NRDE2: variants seen among roughly 807,000 people sequenced by gnomAD.
The protein encoded by NRDE2 is NRDE-2, necessary for RNA interference, domain containing.
In NRDE2, 76 loss-of-function variants were observed where a neutral mutation model predicts 124.2. That is an observed-to-expected ratio of 0.61 (90% CI 0.51 to 0.74). NRDE2 has a LOEUF of 0.74. Among genes scored for constraint, NRDE2 ranks in the 30% least tolerant of loss-of-function variants. The pLI, the probability that NRDE2 is intolerant of heterozygous loss-of-function variation, is 0.00. For synonymous variants in NRDE2, 489 were observed against 528.1 expected (o/e 0.93, Z 1.01); for missense variants, 1,314 against 1,417.3 (o/e 0.93, Z 1.17).
At position 90,275,115 on chromosome 14, in the gene NRDE2, A is replaced by G. The variant is rs765027920; in HGVS notation, c.*3221T>C. 1.3e-5 allele frequency: 2 copies of G among 152,220 alleles called. No homozygotes were observed. Among genetic ancestry groups the G allele is most frequent in the Non-Finnish European group, 2.9e-5 (2 of 68,038 alleles). 9.4% of individuals were successfully genotyped at this position (152,220 alleles called of 1,614,324 possible). A position where few individuals can be genotyped will look rare whatever the true frequency, so the allele number is the denominator to read the frequency against. Reference sequence around the variant, plus strand: ...ACACCAGGCAAACACAAACTGAGGAACATTCTACAAATTCAGAACACTTCA... The same window carrying G: ...ACACCAGGCAAACACAAACTGAGGAGCATTCTACAAATTCAGAACACTTCA... On this transcript the variant is annotated 3_prime_UTR_variant, in exon 14 of 14. Transcript: ENST00000354366.
rs960301572 is a variant in NRDE2, at chr14:90,274,657, A to ATAAGGACATGTCC, written c.*3666_*3678dup. ...AAAGCAAGGGAGTGCTCAAGGAATG[A>ATAAGGACATGTCC]TAAGGACATGTCCTAAGGACACCGA... On this transcript the variant is annotated 3_prime_UTR_variant, in exon 14 of 14. Transcript: ENST00000354366. 3.9e-5 allele frequency: 6 copies of ATAAGGACATGTCC among 152,208 alleles called. No homozygotes were observed. The highest frequency in any genetic ancestry group is 1.4e-4 in the African/African-American group (6 of 41,424). The allele number at this position is 152,208 out of a possible 1,614,324, so 9.4% of individuals were successfully genotyped here.
chr14:90,297,616 A>C (rs1010642765), intron 8 of NRDE2, among the ~76,000 whole-genome samples: 3 of 152,168 alleles, frequency 2.0e-5, no homozygotes, highest in Non-Finnish European at 2.9e-5. Flanking sequence ...CAGGATAACA[A>C]AAAGACTGTC....
In NRDE2 at chr14:90,277,734, T is replaced by A. The variant is rs1891836091; in HGVS notation, c.*602A>T. 2.6e-5 allele frequency: 4 copies of A among 152,306 alleles called. No individual in the cohort carries two copies. Among genetic ancestry groups the A allele is most frequent in the Admixed American group, 2.6e-4 (4 of 15,294 alleles). 9.4% of individuals were successfully genotyped at this position (152,306 alleles called of 1,614,324 possible). A position where few individuals can be genotyped will look rare whatever the true frequency, so the allele number is the denominator to read the frequency against. On this transcript the variant is annotated 3_prime_UTR_variant, in exon 14 of 14. Coordinates refer to ENST00000354366, the MANE Select transcript of NRDE2 (RefSeq NM_017970.4). ...GACCTGCTGAAGAGCGGGTTCTGAC[T>A]CCACAGGCCTGAGTTTTTCAGCAGC...
rs1231939621 is a variant in NRDE2 at position 90,272,664 on chromosome 14, A to C, written c.*5672T>G. ...CAGTCTCCACACACACCTACCGCTC[A>C]ACAGCAGCCTGTGGGTGGACCCAGC... On this transcript the variant is annotated 3_prime_UTR_variant, in exon 14 of 14. Transcript: ENST00000354366. The surrounding 1 kb of genome is among the most constrained non-coding windows in gnomAD (Gnocchi z 4.5). 2 of 314,568 alleles carry C rather than the reference A, an allele frequency of 6.4e-6. No individual in the cohort carries two copies. The highest frequency in any genetic ancestry group is 4.4e-5 in the African/African-American group (2 of 45,288). The allele number at this position is 314,568 out of a possible 1,614,324, so 19.5% of individuals were successfully genotyped here.
chr14:90,321,729 G>A (rs902419055), intron 1 of NRDE2, among the ~76,000 whole-genome samples: 1 of 152,108 alleles, frequency 6.6e-6, no homozygotes, highest in Non-Finnish European at 1.5e-5. Context: ...TATTAGCAGT[G>A]CACATGCAGG....
chr14:90,284,028 A>T (rs1197624186), intron 12 of NRDE2, among the ~76,000 whole-genome samples: 2 of 151,854 alleles, frequency 1.3e-5, no homozygotes, highest in East Asian at 3.9e-4. Flanking sequence ...TTCATTTTTG[A>T]TGCCAACTTC....
At chr14:90,297,094 G>C (rs965390146) in intron 8 of NRDE2, among the ~76,000 whole-genome samples, 1 of 147,698 alleles carries the variant, frequency 6.8e-6, no homozygotes, top group Non-Finnish European at 1.5e-5. Flanking sequence ...AGCCAAGATC[G>C]AGCCACTACA....
chr14:90,275,581 C>T lies in NRDE2; in HGVS notation c.*2755G>A, dbSNP rs539287119. The T allele has an allele frequency of 1.3e-5, 2 of 152,346 alleles. No individual in the cohort carries two copies. Among genetic ancestry groups the T allele is most frequent in the South Asian group, 4.1e-4 (2 of 4,830 alleles). The allele number at this position is 152,346 out of a possible 1,614,324, so 9.4% of individuals were successfully genotyped here. ...CGGGCTGAACTGCGCCCCACCCCAGCTGCTTCTCCAGTTTGCTTACTGACC... is the reference window on the plus strand; with the variant it reads ...CGGGCTGAACTGCGCCCCACCCCAGTTGCTTCTCCAGTTTGCTTACTGACC... On this transcript the variant is annotated 3_prime_UTR_variant, in exon 14 of 14. Transcript: ENST00000354366.
At chr14:90,325,651 G>A (rs781261274) in intron 1 of NRDE2, among the ~76,000 whole-genome samples, 7 of 152,110 alleles carry the variant, frequency 4.6e-5, no homozygotes, top group South Asian at 4.2e-4. Flanking sequence ...TCAACCTCCC[G>A]AGTAGCTGGG....
At chr14:90,298,834 C>T (rs1467265060) in intron 7 of NRDE2, among the ~76,000 whole-genome samples, 3 of 152,186 alleles carry the variant, frequency 2.0e-5, no homozygotes, top group East Asian at 1.9e-4. Context: ...ACTGGACCCC[C>T]GAGCTAATTC....
In NRDE2 at chr14:90,276,746, C is replaced by A. The variant is rs1858495186; in HGVS notation, c.*1590G>T. 1 of 152,196 alleles carries A rather than the reference C, an allele frequency of 6.6e-6. No homozygotes were observed. The highest frequency in any genetic ancestry group is 6.5e-5 in the Admixed American group (1 of 15,274). 9.4% of individuals were successfully genotyped at this position (152,196 alleles called of 1,614,324 possible). ...GCCACTGGGGTTTGGAGGGAACCAG[C>A]TGATCAGAGGCCACGCCCTTCTAAG... On this transcript the variant is annotated 3_prime_UTR_variant, in exon 14 of 14. Transcript: ENST00000354366.
At chr14:90,316,083 A>C (rs999652661) in intron 3 of NRDE2, among the ~76,000 whole-genome samples, 3 of 152,200 alleles carry the variant, frequency 2.0e-5, no homozygotes, top group Non-Finnish European at 4.4e-5. Flanking sequence ...GGTCTTAAAC[A>C]AATATGAAAA....
chr14:90,288,422 C>G lies in NRDE2; in HGVS notation c.2953G>C (p.Glu985Gln). The change falls in exon 11 of 14, where the codon GAG (glutamate) becomes CAG (glutamine). Residue 985 changes from glutamate (E) to glutamine (Q), a missense_variant. Physicochemically the swap from Glu to Gln is conservative, Grantham distance 29. Coordinates refer to ENST00000354366, the MANE Select transcript of NRDE2 (RefSeq NM_017970.4). ...AACTTTAAAGCCTGTGAGAGTGCCT[C>G]TCGCAGAGGGGCCAGCGGGTAAACA... ...VSVYPLAPLREALSQALKLYP... is the reference protein window; with the variant it reads ...VSVYPLAPLRQALSQALKLYP... The G allele has an allele frequency of 6.2e-7, 1 of 1,614,156 alleles. No homozygotes were observed. The highest frequency in any genetic ancestry group is 8.5e-7 in the Non-Finnish European group (1 of 1,180,030).
intron 9 of NRDE2, among the ~76,000 whole-genome samples, chr14:90,290,937 CT>C (rs1892257341): frequency 6.6e-6 from 1 of 152,212 alleles, no homozygotes. Flanking sequence ...AACATGTTCA[CT>C]TCTGAAAGCA....
intron 11 of NRDE2, among the ~76,000 whole-genome samples, 199 bp downstream of exon 11, chr14:90,288,018 C>G (rs957980707): frequency 4.6e-5 from 7 of 152,184 alleles, no homozygotes; most frequent in Admixed American, 1.3e-4. Flanking sequence ...CACCAACCCC[C>G]CTCCTGAGAG....
intron 10 of NRDE2, 109 bp downstream of exon 10, chr14:90,290,112 G>A: frequency 8.4e-7 from 1 of 1,194,098 alleles, no homozygotes. Flanking sequence ...GGAGGAGGAG[G>A]TGCTGGGGCA....
Position 90,272,020 on chromosome 14 carries a change from G to A in NRDE2, c.*6316C>T, listed in dbSNP as rs183046724. 1.3e-4 allele frequency: 38 copies of A among 297,270 alleles called. No homozygotes were observed. The highest frequency in any genetic ancestry group is 8.7e-4 in the African/African-American group (38 of 43,610). The allele number at this position is 297,270 out of a possible 1,614,324, so 18.4% of individuals were successfully genotyped here. On this transcript the variant is annotated 3_prime_UTR_variant, in exon 14 of 14. Transcript: ENST00000354366. The surrounding 1 kb of genome is among the most constrained non-coding windows in gnomAD (Gnocchi z 4.5). ...CAATTCTCCTGCCTCAGCCTCCCGA[G>A]TAGCTAGGATTACAGGTGCCTGCCA...
Position 90,316,716 on chromosome 14 carries a change from C to A in NRDE2, c.269G>T (p.Arg90Met). 1.2e-6 allele frequency: 2 copies of A among 1,613,674 alleles called. No homozygotes were observed. The highest frequency in any genetic ancestry group is 1.7e-6 in the Non-Finnish European group (2 of 1,179,958). ...RKKKKEKKKK[R>M]KHQHHKKTKR... ...TGTTTTCTTATGATGCTGATGCTTCCTTTTTTTCTTTTTCTCTTTCTTCTT... is the reference window on the plus strand; with the variant it reads ...TGTTTTCTTATGATGCTGATGCTTCATTTTTTTCTTTTTCTCTTTCTTCTT... Residue 90 changes from arginine (R) to methionine (M), a missense_variant, in exon 3 of 14, where the codon AGG (arginine) becomes ATG (methionine). Transcript: ENST00000354366.
chr14:90,327,815 T>A (rs112456675), intron 1 of NRDE2, among the ~76,000 whole-genome samples: 2,734 of 152,180 alleles, frequency 0.018, 85 homozygotes, highest in African/African-American at 0.063. Flanking sequence ...CTGGCCAACA[T>A]GGTGAAACTC....
Sources: allele counts gnomAD v4.1 joint callset (sites outside exome capture counted in the v4.1 genomes callset), GRCh38; gene constraint gnomAD v4.1.1; non-coding constraint Gnocchi (gnomAD v3.1); transcripts MANE v1.5; gene names NCBI Gene and HGNC (gene_info 2026-07-23, HGNC 2026-07-21).